TDRD9: variants seen among roughly 807,000 people sequenced by gnomAD.
TDRD9 encodes ATP-dependent RNA helicase TDRD9.
In TDRD9, 124 loss-of-function variants were observed where a neutral mutation model predicts 172.6. The observed-to-expected ratio is 0.72, with a 90% CI of 0.62 to 0.83. The LOEUF is 0.83. TDRD9 is among the 40% of genes least tolerant of loss of function. TDRD9 has a pLI of 0.00. For synonymous variants in TDRD9, 619 were observed against 617.1 expected, an observed-to-expected ratio of 1.00 and a Z score of -0.05; for missense variants, 1,479 against 1,714.1, an observed-to-expected ratio of 0.86 and a Z score of 2.42.
At chr14:104,019,396 C>T (rs369951522) in intron 23 of TDRD9, among the ~76,000 whole-genome samples, 1 of 152,094 alleles carries the variant, frequency 6.6e-6, no homozygotes, top group East Asian at 1.9e-4. Context: ...CAGAGTCTTG[C>T]TCTGTCATCA....
rs773458671 is a variant in TDRD9 at position 104,006,424 on chromosome 14, T to A, written c.1749T>A (p.Asp583Glu). Residue 583 changes from aspartate to glutamate, a missense_variant, in exon 16 of 36, where the codon GAT becomes GAA. By Grantham distance (45) the Asp-to-Glu change is conservative. Around this residue, in one of 3 missense-constraint regions of TDRD9, gnomAD observed 1,413 missense variants for 1,649.1 expected, o/e 0.86. Transcript: ENST00000409874. ...GALAVSGQRE[D>E]ENPHDGELTF... is the part of the protein sequence containing the mutation. ...TTGCAGTGAGTGGGCAGAGAGAAGA[T>A]GAAAACCCCCATGATGGTGAATTGA... The A allele has an allele frequency of 4.3e-6, 7 of 1,613,914 alleles. No homozygotes were observed. Among genetic ancestry groups the A allele is most frequent in the Non-Finnish European group, 5.9e-6 (7 of 1,179,854 alleles).
chr14:103,986,155 A>G lies in TDRD9; in HGVS notation c.1012-62A>G, dbSNP rs1595948995. On this transcript the variant is annotated intron_variant, in intron 7 of 35. Coordinates refer to ENST00000409874, the MANE Select transcript of TDRD9 (RefSeq NM_153046.3). Reference sequence around the variant, plus strand: ...TAATGGTGAGAGCCAGTCCCATCCAACGCCAGGTTTCTTCTGTAATCCTGT... The same window carrying G: ...TAATGGTGAGAGCCAGTCCCATCCAGCGCCAGGTTTCTTCTGTAATCCTGT... The G allele has an allele frequency of 6.9e-5, 85 of 1,234,080 alleles. No homozygotes were observed. In the East Asian group the frequency reaches 2.0e-3, roughly 29 times the overall value. 76.4% of individuals were successfully genotyped at this position (1,234,080 alleles called of 1,614,324 possible).
intron 8 of TDRD9, 147 bp from the exon 9 acceptor site, chr14:103,991,013 C>T (rs1333726744): frequency 9.8e-6 from 9 of 917,202 alleles, no homozygotes; most frequent in South Asian, 7.9e-5. Context: ...TTTTGGGCTT[C>T]GTGTTTTCTT....
rs368572434 is a variant in TDRD9, at chr14:103,969,517, T to A, written c.766-1024T>A. Reference sequence around the variant, plus strand: ...ATGATGTTAAATACCTTTTAGCTACTGATTTTTGTTTTTCTTTTCTCTATG... The same window carrying A: ...ATGATGTTAAATACCTTTTAGCTACAGATTTTTGTTTTTCTTTTCTCTATG... On this transcript the variant is annotated intron_variant, in intron 5 of 35. Coordinates refer to ENST00000409874, the MANE Select transcript of TDRD9 (RefSeq NM_153046.3). Among the ~76,000 whole-genome samples the A allele has an allele frequency of 3.3e-5, 5 of 152,284 alleles. No individual in the cohort carries two copies. The East Asian group carries it at 7.7e-4, about 23-fold the overall frequency.
chr14:103,954,503 A>G (rs2032098269), intron 1 of TDRD9, among the ~76,000 whole-genome samples: 1 of 152,206 alleles, frequency 6.6e-6, no homozygotes, highest in South Asian at 2.1e-4. Context: ...TGCTAAACAA[A>G]TGAATGTTTC....
At chr14:104,032,210 CT>C (rs2035304065) in intron 30 of TDRD9, 123 bp downstream of exon 30, 1 of 647,688 alleles carries the variant, frequency 1.5e-6, no homozygotes, top group Admixed American at 3.6e-5. Context: ...CTTTTCTTTT[CT>C]TTTCTTTTTT....
At chr14:103,948,259 C>G (rs1235242412) in intron 1 of TDRD9, among the ~76,000 whole-genome samples, 1 of 151,888 alleles carries the variant, frequency 6.6e-6, no homozygotes, top group African/African-American at 2.4e-5. Context: ...TCAAGTGATC[C>G]TCCCACCTTC....
At chr14:104,045,444 A>G (rs1381108935) in intron 34 of TDRD9, among the ~76,000 whole-genome samples, 1 of 140,148 alleles carries the variant, frequency 7.1e-6, no homozygotes, top group African/African-American at 2.6e-5. Flanking sequence ...CCATTTTTAA[A>G]TTTGTCTTTT....
At chr14:104,049,272 A>C (rs948433358) in intron 34 of TDRD9, 1 of 159,770 alleles carries the variant, frequency 6.3e-6, no homozygotes, top group African/African-American at 2.4e-5. Context: ...GATATTTCCA[A>C]CTTGTCATGA....
intron 1 of TDRD9, chr14:103,941,117 G>C: frequency 6.6e-7 from 1 of 1,523,606 alleles, no homozygotes; most frequent in Admixed American, 2.0e-5. Context: ...GAGGGGAAAT[G>C]GTAATGAATA....
At chr14:103,950,000 GGCCC>G (rs1566732723) in intron 1 of TDRD9, among the ~76,000 whole-genome samples, 1 of 145,440 alleles carries the variant, frequency 6.9e-6, no homozygotes, top group African/African-American at 2.6e-5. Context: ...AAACAAATCA[GGCCC>G]TGCCCTGCCC....
intron 34 of TDRD9, among the ~76,000 whole-genome samples, chr14:104,048,844 A>G (rs2035857210): frequency 6.6e-6 from 1 of 152,152 alleles, no homozygotes. Context: ...TTTACTGACA[A>G]TGCTCCAAGT....
At chr14:104,001,920 A>G (rs993254076) in intron 13 of TDRD9, among the ~76,000 whole-genome samples, 4 of 149,648 alleles carry the variant, frequency 2.7e-5, no homozygotes, top group African/African-American at 7.3e-5. Flanking sequence ...GTTTAGTTTT[A>G]TAAGGAACTA....
chr14:103,941,746 T>C, intron 1 of TDRD9: 1 of 1,320,722 alleles, frequency 7.6e-7, no homozygotes, highest in Non-Finnish European at 1.0e-6. Flanking sequence ...AAATGTTATG[T>C]TCTTCTGAGC....
At chr14:103,937,869 A>G (rs112291831) in intron 1 of TDRD9, among the ~76,000 whole-genome samples, 3 of 130,756 alleles carry the variant, frequency 2.3e-5, no homozygotes, top group Admixed American at 1.5e-4. Flanking sequence ...TTTTTTTTTA[A>G]TTTTCTTTTT....
intron 20 of TDRD9, among the ~76,000 whole-genome samples, chr14:104,011,334 A>G (rs2034605751): frequency 6.6e-6 from 1 of 152,146 alleles, no homozygotes; most frequent in Admixed American, 6.5e-5. Context: ...CCTCTGGTTT[A>G]CGTGTGTGTG....
chr14:103,929,896 G>A (rs1377864401), intron 1 of TDRD9, among the ~76,000 whole-genome samples: 1 of 152,214 alleles, frequency 6.6e-6, no homozygotes, highest in African/African-American at 2.4e-5. Context: ...GAGTGCAAAT[G>A]CTGAATCTTT....
Position 104,042,191 on chromosome 14 carries a change from A to G in TDRD9, c.3974+4A>G. Reference sequence around the variant, plus strand: ...TTGCCCGTCAGAAGCTTTTAGGGTAAGCTGTGTGATGACGCGGGCTTCTTT... The same window carrying G: ...TTGCCCGTCAGAAGCTTTTAGGGTAGGCTGTGTGATGACGCGGGCTTCTTT... On this transcript the variant is annotated splice_donor_region_variant and intron_variant, in intron 34 of 35. Coordinates refer to ENST00000409874, the MANE Select transcript of TDRD9 (RefSeq NM_153046.3). 2 of 1,599,030 alleles carry G rather than the reference A, an allele frequency of 1.3e-6. No individual in the cohort carries two copies. Among genetic ancestry groups the G allele is most frequent in the Non-Finnish European group, 8.6e-7 (1 of 1,166,656 alleles).
rs1354853920 is a variant in TDRD9, at chr14:103,963,041, G to A, written c.323-38G>A. ...CATTGAGTTATCTTTTTCCAGATAA[G>A]AAATGGCATTGTATTTGTTTGTTTT... On this transcript the variant is annotated intron_variant, in intron 2 of 35. Transcript: ENST00000409874. 4 of 1,237,632 alleles carry A rather than the reference G, an allele frequency of 3.2e-6. No homozygotes were observed. In the South Asian group the frequency reaches 4.2e-5, roughly 13 times the overall value. 76.7% of individuals were successfully genotyped at this position (1,237,632 alleles called of 1,614,324 possible). A position where few individuals can be genotyped will look rare whatever the true frequency, so the allele number is the denominator to read the frequency against.
Sources: gnomAD v4.1 joint callset for allele counts (sites outside exome capture counted in the v4.1 genomes callset) on GRCh38, gnomAD v4.1.1 for gene constraint, gnomAD v4.1.1 regional missense constraint, MANE v1.5 for transcripts, NCBI Gene and HGNC (gene_info 2026-07-23, HGNC 2026-07-21) for gene names.